The following MECOM variants were observed in gnomAD, a reference collection of about 807,000 sequenced individuals.
MECOM encodes histone-lysine N-methyltransferase MECOM.
A neutral mutation model predicts 116.3 loss-of-function variants in MECOM; 13 were observed. That is an observed-to-expected ratio of 0.11 (90% CI 0.07 to 0.18). The LOEUF is 0.18. MECOM is among the 10% of genes least tolerant of loss of function. The probability of loss-of-function intolerance (pLI) is 1.00; values close to 1 mark genes in which losing one functional copy is unlikely to be tolerated. For synonymous variants in MECOM, 528 were observed against 535.2 expected (o/e 0.99, Z 0.19); for missense variants, 1,299 against 1,509.0 (o/e 0.86, Z 2.31).
At chr3:169,601,148 A>C (rs1391872790) in intron 1 of MECOM, among the ~76,000 whole-genome samples, 1 of 152,228 alleles carries the variant, frequency 6.6e-6, no homozygotes, top group Non-Finnish European at 1.5e-5. Context: ...AGGCACCTAC[A>C]CTTAGGTGTC....
chr3:169,465,592 G>A lies in MECOM; in HGVS notation c.38-84068C>T, dbSNP rs182982076. ...TACACTGATTTTTTCTGTATGTGTC[G>A]ACATCCATTTTAACATAATGACATC... On this transcript the variant is annotated intron_variant, in intron 1 of 16. Transcript: ENST00000651503. Among the ~76,000 whole-genome samples the A allele has an allele frequency of 8.0e-4, 122 of 152,092 alleles. 2 individuals carry two copies. The South Asian group carries it at 1.0e-2, about 12-fold the overall frequency.
chr3:169,524,068 G>A (rs1164970093), intron 1 of MECOM, among the ~76,000 whole-genome samples: 2 of 126,178 alleles, frequency 1.6e-5, no homozygotes, highest in African/African-American at 5.8e-5. Context: ...ATATATATTT[G>A]CTGTTTATTT....
At chr3:169,542,080 A>G (rs1243803332) in intron 1 of MECOM, among the ~76,000 whole-genome samples, 2 of 152,210 alleles carry the variant, frequency 1.3e-5, no homozygotes, top group Non-Finnish European at 2.9e-5. Flanking sequence ...AATATAATGT[A>G]TCCATTGTAA....
chr3:169,422,543 C>G (rs1251788713), intron 1 of MECOM, among the ~76,000 whole-genome samples: 1 of 151,988 alleles, frequency 6.6e-6, no homozygotes, highest in Non-Finnish European at 1.5e-5. Context: ...AACCCAAAAG[C>G]TTTTGTCTAA....
At chr3:169,439,029 T>C (rs1240730361) in intron 1 of MECOM, among the ~76,000 whole-genome samples, 1 of 151,276 alleles carries the variant, frequency 6.6e-6, no homozygotes, top group East Asian at 1.9e-4. Context: ...CATTTAGAGA[T>C]AGCATAAGGA....
intron 1 of MECOM, among the ~76,000 whole-genome samples, chr3:169,465,274 C>CTTAAA (rs1748100055): frequency 6.6e-6 from 1 of 152,176 alleles, no homozygotes; most frequent in Non-Finnish European, 1.5e-5. Flanking sequence ...GGGCAAGTTA[C>CTTAAA]TTAACCTCTC....
chr3:169,250,835 A>ACTAAG (rs970532677), intron 2 of MECOM, among the ~76,000 whole-genome samples: 13 of 152,234 alleles, frequency 8.5e-5, no homozygotes, highest in African/African-American at 3.1e-4. Flanking sequence ...CACCACCCTT[A>ACTAAG]AGATGATGGT....
rs376475200 is a variant in MECOM, at chr3:169,245,759, G to A, written c.376-101927C>T. Among the ~76,000 whole-genome samples, 40 of 152,146 alleles carry A rather than the reference G, an allele frequency of 2.6e-4. 1 individual carries two copies. Among genetic ancestry groups the A allele is most frequent in the East Asian group, 1.9e-3 (10 of 5,192 alleles). ...AATTCTACGCAGTACAGAGCATTGA[G>A]TCTTGCACATTTCATTATATGCTTG... is the stretch of plus-strand genomic sequence containing the variant. On this transcript the variant is annotated intron_variant, in intron 2 of 16. Transcript: ENST00000651503.
intron 2 of MECOM, among the ~76,000 whole-genome samples, chr3:169,165,618 C>T (rs1050099984): frequency 3.3e-5 from 5 of 152,004 alleles, no homozygotes; most frequent in East Asian, 1.9e-4. Flanking sequence ...ATGTACCATA[C>T]GAAATTTGAG....
intron 3 of MECOM, chr3:169,134,001 T>C: frequency 1.6e-6 from 2 of 1,264,512 alleles, no homozygotes; most frequent in Non-Finnish European, 2.1e-6. Context: ...TTAGAACTTT[T>C]CGGTGGCTTC....
At position 169,188,469 on chromosome 3, in the gene MECOM, C is replaced by T. The variant is rs564388243; in HGVS notation, c.376-44637G>A. On this transcript the variant is annotated intron_variant, in intron 2 of 16. Transcript: ENST00000651503. ...AAGGTCAATTTGACCTTTTGTGTAG[C>T]TTTTTATTTATCTGAGTAATCCGAG... Among the ~76,000 whole-genome samples the T allele has an allele frequency of 1.1e-4, 16 of 152,078 alleles. No individual in the cohort carries two copies. The East Asian group carries it at 3.1e-3, about 29-fold the overall frequency.
chr3:169,308,907 A>G (rs1048959792), intron 2 of MECOM, among the ~76,000 whole-genome samples: 6 of 152,252 alleles, frequency 3.9e-5, no homozygotes, highest in African/African-American at 1.4e-4. Flanking sequence ...TCCCTTTCAG[A>G]TATCAAAAGG....
intron 1 of MECOM, among the ~76,000 whole-genome samples, chr3:169,649,519 C>G (rs1205257945): frequency 6.6e-6 from 1 of 151,646 alleles, no homozygotes; most frequent in East Asian, 1.9e-4. Context: ...ATATCTTTGT[C>G]CCTGTTAATA....
chr3:169,648,628 A>G (rs1011876141), intron 1 of MECOM, among the ~76,000 whole-genome samples: 2 of 152,248 alleles, frequency 1.3e-5, no homozygotes, highest in Non-Finnish European at 2.9e-5. Context: ...TGGCTGGAAC[A>G]TTGGCTTGGA....
At chr3:169,393,680 T>C (rs1284200256) in intron 1 of MECOM, among the ~76,000 whole-genome samples, 1 of 152,164 alleles carries the variant, frequency 6.6e-6, no homozygotes, top group Non-Finnish European at 1.5e-5. Flanking sequence ...GTGATTTTTT[T>C]GGTGTTTTGC....
At chr3:169,549,207 G>A (rs926193790) in intron 1 of MECOM, among the ~76,000 whole-genome samples, 1 of 151,862 alleles carries the variant, frequency 6.6e-6, no homozygotes, top group Non-Finnish European at 1.5e-5. Context: ...CCTGACCTCA[G>A]GTAATCCACC....
At chr3:169,220,764 C>T (rs139919460) in intron 2 of MECOM, among the ~76,000 whole-genome samples, 13 of 152,258 alleles carry the variant, frequency 8.5e-5, no homozygotes, top group Middle Eastern at 3.4e-3. Context: ...CTTAAGCCAC[C>T]GTGCCTGCCA....
At chr3:169,275,183 C>T (rs1338064043) in intron 2 of MECOM, among the ~76,000 whole-genome samples, 2 of 152,096 alleles carry the variant, frequency 1.3e-5, no homozygotes, top group African/African-American at 4.8e-5. Context: ...ACCATAGGAC[C>T]TGCTAAAATA....
At chr3:169,474,143 G>GA (rs1560321393) in intron 1 of MECOM, among the ~76,000 whole-genome samples, 1 of 152,194 alleles carries the variant, frequency 6.6e-6, no homozygotes, top group African/African-American at 2.4e-5. Flanking sequence ...ATTGAAGGGA[G>GA]AGGTTTAAAT....
Sources: allele counts gnomAD v4.1 joint callset (sites outside exome capture counted in the v4.1 genomes callset), GRCh38; gene constraint gnomAD v4.1.1; transcripts MANE v1.5; gene names NCBI Gene and HGNC (gene_info 2026-07-23, HGNC 2026-07-21).